RHOBTB3: variants seen among roughly 807,000 people sequenced by gnomAD.
RHOBTB3 encodes rho-related BTB domain-containing protein 3.
RHOBTB3 carries 47 observed loss-of-function variants against 67.2 expected under a neutral mutation model. That is an observed-to-expected ratio of 0.70 (90% confidence interval 0.55 to 0.89). The LOEUF (loss-of-function observed/expected upper bound fraction) is 0.89, where lower values mean the gene tolerates loss of function less well. Ranked by LOEUF, RHOBTB3 falls within the 40% of genes least tolerant of loss-of-function variation. The pLI is 0.00. For missense variants in RHOBTB3, 631 were observed against 750.0 expected (o/e 0.84, Z 1.85); for synonymous variants, 273 against 274.2 (o/e 1.00, Z 0.04).
At chr5:95,717,912 C>T (rs1754730380) in intron 1 of RHOBTB3, 1 of 152,142 alleles carries the variant, frequency 6.6e-6, no homozygotes, top group Admixed American at 6.5e-5. Flanking sequence ...ATTCATTAAA[C>T]TATACATTTA....
At chr5:95,757,893 T>G (rs1745294521) in intron 6 of RHOBTB3, among the ~76,000 whole-genome samples, 1 of 152,196 alleles carries the variant, frequency 6.6e-6, no homozygotes, top group Non-Finnish European at 1.5e-5. Context: ...TACTATAGAT[T>G]TTGACGTTTA....
intron 4 of RHOBTB3, among the ~76,000 whole-genome samples, chr5:95,751,118 C>T (rs780351922): frequency 2.6e-4 from 39 of 152,104 alleles, no homozygotes; most frequent in Non-Finnish European, 1.8e-4. Context: ...CCTGAAGCTA[C>T]GTAAATGCAC....
At chr5:95,755,905 G>T (rs568720142) in intron 6 of RHOBTB3, 144 bp downstream of exon 6, 9 of 779,984 alleles carry the variant, frequency 1.2e-5, no homozygotes, top group African/African-American at 1.7e-5. Context: ...AATATTATTT[G>T]CTTTATATAT....
At chr5:95,762,659 G>A (rs904718514) in intron 6 of RHOBTB3, among the ~76,000 whole-genome samples, 2 of 152,134 alleles carry the variant, frequency 1.3e-5, no homozygotes, top group South Asian at 2.1e-4. Context: ...GGATGGATGC[G>A]TGTAATCTCT....
chr5:95,759,967 A>G (rs1410789532), intron 6 of RHOBTB3, among the ~76,000 whole-genome samples: 1 of 152,016 alleles, frequency 6.6e-6, no homozygotes, highest in African/African-American at 2.4e-5. Flanking sequence ...TTAAAGAACC[A>G]GATTACAAAG....
At chr5:95,752,642 T>C (rs990433696) in intron 5 of RHOBTB3, among the ~76,000 whole-genome samples, 4 of 152,194 alleles carry the variant, frequency 2.6e-5, no homozygotes, top group African/African-American at 9.7e-5. Flanking sequence ...AATGCTAAGT[T>C]ACTACTAAAT....
chr5:95,772,073 G>A (rs963627407), intron 8 of RHOBTB3, among the ~76,000 whole-genome samples: 1 of 152,172 alleles, frequency 6.6e-6, no homozygotes, highest in East Asian at 1.9e-4. Context: ...CTGGCACTGG[G>A]GTCACCTGTG....
intron 3 of RHOBTB3, 30 bp downstream of exon 3, chr5:95,737,105 A>C: frequency 7.3e-7 from 1 of 1,363,424 alleles, no homozygotes; most frequent in Non-Finnish European, 1.0e-6. Flanking sequence ...TTTTGTAGTG[A>C]GCATGCAAAT....
At chr5:95,779,497 G>C (rs1375580920) in intron 8 of RHOBTB3, among the ~76,000 whole-genome samples, 2 of 152,184 alleles carry the variant, frequency 1.3e-5, no homozygotes, top group African/African-American at 4.8e-5. Context: ...TTTGTGTGGT[G>C]CAGCAGTAGC....
At chr5:95,727,195 T>A (rs1334221261), upstream of RHOBTB3, among the ~76,000 whole-genome samples, 1 of 152,230 alleles carries the variant, frequency 6.6e-6, no homozygotes, top group East Asian at 1.9e-4. Context: ...TAAGATGCCT[T>A]TGTCAGAGTT....
chr5:95,733,722 A>T (rs958075426), intron 2 of RHOBTB3, among the ~76,000 whole-genome samples: 1 of 152,182 alleles, frequency 6.6e-6, no homozygotes, highest in Non-Finnish European at 1.5e-5. Context: ...TGATCTTCAG[A>T]TATGAGATTC....
At chr5:95,749,021 G>A (rs901252257) in intron 4 of RHOBTB3, among the ~76,000 whole-genome samples, 1 of 152,182 alleles carries the variant, frequency 6.6e-6, no homozygotes, top group Non-Finnish European at 1.5e-5. Flanking sequence ...TTGCTTGGTT[G>A]CCGTGGCGCA....
intron 8 of RHOBTB3, among the ~76,000 whole-genome samples, chr5:95,776,153 TC>T (rs1745872533): frequency 6.6e-6 from 1 of 152,188 alleles, no homozygotes; most frequent in Non-Finnish European, 1.5e-5. Context: ...ATGGCTGTAA[TC>T]CCAGCACTTT....
intron 7 of RHOBTB3, chr5:95,767,636 A>G (rs1037872546): frequency 1.8e-6 from 1 of 547,230 alleles, no homozygotes; most frequent in South Asian, 2.6e-5. Context: ...TGGCCAAAAA[A>G]TGTATTTTTC....
chr5:95,794,944 A>T lies in RHOBTB3; in HGVS notation c.*1770A>T, dbSNP rs1746528534. 1 of 152,132 alleles carries T rather than the reference A, an allele frequency of 6.6e-6. No individual in the cohort carries two copies. The highest frequency in any genetic ancestry group is 1.5e-5 in the Non-Finnish European group (1 of 68,034). The allele number at this position is 152,132 out of a possible 1,614,324, so 9.4% of individuals were successfully genotyped here. A position where few individuals can be genotyped will look rare whatever the true frequency, so the allele number is the denominator to read the frequency against. ...ACAGTGAAACCCCGTCTCTACTAAA[A>T]ATACAAAATTAGCCAGATGTGGTGG... On this transcript the variant is annotated 3_prime_UTR_variant, in exon 12 of 12. Coordinates refer to ENST00000379982, the MANE Select transcript of RHOBTB3 (RefSeq NM_014899.4).
At chr5:95,784,838 A>G (rs1327304982) in intron 10 of RHOBTB3, among the ~76,000 whole-genome samples, 1 of 152,162 alleles carries the variant, frequency 6.6e-6, no homozygotes, top group African/African-American at 2.4e-5. Flanking sequence ...CCATTCTGCC[A>G]TTCCATCCAC....
chr5:95,748,448 C>T lies in RHOBTB3; in HGVS notation c.531C>T (p.Ser177=), dbSNP rs751410832. 1.9e-6 allele frequency: 3 copies of T among 1,613,242 alleles called. No individual in the cohort carries two copies. Among genetic ancestry groups the T allele is most frequent in the Non-Finnish European group, 2.5e-6 (3 of 1,179,430 alleles). ...ELGATYLELH[S]LDDFYIGKYF... is the part of the protein sequence containing the mutation. ...GAGCGACCTATCTTGAACTCCACAG[C>T]CTTGATGACTTCTACATAGGAAAGT... is the stretch of plus-strand genomic sequence containing the variant. The change falls in exon 4 of 12, where the codon AGC becomes AGT. Residue 177 remains serine, a synonymous_variant. Coordinates refer to ENST00000379982, the MANE Select transcript of RHOBTB3 (RefSeq NM_014899.4).
chr5:95,736,528 T>C (rs1302696920), intron 2 of RHOBTB3, among the ~76,000 whole-genome samples: 1 of 152,248 alleles, frequency 6.6e-6, no homozygotes, highest in Non-Finnish European at 1.5e-5. Context: ...TTACTCATAC[T>C]GTTGCTCTTC....
At chr5:95,780,496 CT>C (rs1697560924) in intron 9 of RHOBTB3, 71 bp downstream of exon 9, 5 of 1,279,370 alleles carry the variant, frequency 3.9e-6, no homozygotes, top group Non-Finnish European at 5.6e-6. Flanking sequence ...TTAAATTGCA[CT>C]CTGTGGAATC....
Sources: gnomAD v4.1 joint callset for allele counts (sites outside exome capture counted in the v4.1 genomes callset) on GRCh38, gnomAD v4.1.1 for gene constraint, MANE v1.5 for transcripts, NCBI Gene and HGNC (gene_info 2026-07-23, HGNC 2026-07-21) for gene names.